The following IGF2R variants were observed in gnomAD, a reference collection of about 807,000 sequenced individuals.
The protein encoded by IGF2R is insulin like growth factor 2 receptor.
In IGF2R, 91 loss-of-function variants were observed where a neutral mutation model predicts 270.6. The observed-to-expected ratio is 0.34, with a 90% CI of 0.28 to 0.40. The LOEUF (loss-of-function observed/expected upper bound fraction) is 0.40. IGF2R is among the 10% of genes least tolerant of loss of function. The pLI is 1.00. For missense variants in IGF2R, 2,805 were observed against 3,188.3 expected, an observed-to-expected ratio of 0.88 and a Z score of 2.90; for synonymous variants, 1,316 against 1,258.9, an observed-to-expected ratio of 1.05 and a Z score of -0.96.
At chr6:160,008,582 C>T (rs773684739) in intron 2 of IGF2R, among the ~76,000 whole-genome samples, 4 of 152,168 alleles carry the variant, frequency 2.6e-5, no homozygotes, top group Non-Finnish European at 5.9e-5. Context: ...TGAAACATTT[C>T]AGTGGCTGAG....
At chr6:160,012,648 C>G (rs190964185) in intron 4 of IGF2R, among the ~76,000 whole-genome samples, 3 of 151,476 alleles carry the variant, frequency 2.0e-5, no homozygotes, top group Non-Finnish European at 4.4e-5. Flanking sequence ...CCCCAGGCCC[C>G]GCCTCCAATG....
chr6:160,017,406 G>A (rs1299685046), intron 4 of IGF2R, among the ~76,000 whole-genome samples: 1 of 152,134 alleles, frequency 6.6e-6, no homozygotes, highest in Non-Finnish European at 1.5e-5. Flanking sequence ...ATATTACTAA[G>A]GGAGAAGAAC....
chr6:159,979,478 T>G (rs904491885), intron 1 of IGF2R, among the ~76,000 whole-genome samples: 4 of 152,208 alleles, frequency 2.6e-5, no homozygotes, highest in Non-Finnish European at 5.9e-5. Flanking sequence ...CTCTTTTGTC[T>G]CTTTTTACAG....
At chr6:160,060,108 A>G (rs1424126327) in intron 22 of IGF2R, among the ~76,000 whole-genome samples, 5 of 152,160 alleles carry the variant, frequency 3.3e-5, no homozygotes, top group African/African-American at 7.2e-5. Flanking sequence ...TAAACCTGTC[A>G]TAACACAGGC....
chr6:160,094,089 T>G, intron 44 of IGF2R: 1 of 498,316 alleles, frequency 2.0e-6, no homozygotes, highest in Non-Finnish European at 3.9e-6. Flanking sequence ...CACCCCATCA[T>G]TCCCCTTCTC....
rs912894050 is a variant in IGF2R at position 160,089,892 on chromosome 6, CTG to C, written c.6468-21_6468-20del. 12 of 1,507,818 alleles carry C rather than the reference CTG, an allele frequency of 8.0e-6. No individual in the cohort carries two copies. In the African/African-American group the frequency reaches 1.3e-4, roughly 16 times the overall value. 93.4% of individuals were successfully genotyped at this position (1,507,818 alleles called of 1,614,324 possible). A position where few individuals can be genotyped will look rare whatever the true frequency, so the allele number is the denominator to read the frequency against. ...GCCTTCTTGAAGGACTTCCATGTCA[CTG>C]TGATCTTTTCTGTCTCTTCAGGCTG... On this transcript the variant is annotated intron_variant, in intron 43 of 47. Coordinates refer to ENST00000356956, the MANE Select transcript of IGF2R (RefSeq NM_000876.4).
intron 22 of IGF2R, among the ~76,000 whole-genome samples, chr6:160,059,639 G>C (rs1303405688): frequency 6.6e-6 from 1 of 152,196 alleles, no homozygotes; most frequent in Non-Finnish European, 1.5e-5. Context: ...AGAGCCCTCG[G>C]AGGCTCTGCA....
In IGF2R at chr6:160,069,990, G is replaced by A. The variant is rs774498478; in HGVS notation, c.4375G>A (p.Asp1459Asn). ...GIIVLKYVDG[D>N]LCPDGIRKKS... ...AATTGTCCTGAAATACGTTGATGGC[G>A]ACTTATGTCCAGATGGGATTCGGAA... Residue 1459 changes from aspartate (D) to asparagine (N), a missense_variant, in exon 31 of 48, where the codon GAC (aspartate) becomes AAC (asparagine). Physicochemically the swap from Asp to Asn is conservative, Grantham distance 23. Coordinates refer to ENST00000356956, the MANE Select transcript of IGF2R (RefSeq NM_000876.4). The A allele has an allele frequency of 1.9e-6, 3 of 1,614,230 alleles. No individual in the cohort carries two copies. The highest frequency in any genetic ancestry group is 1.1e-5 in the South Asian group (1 of 91,086).
At chr6:160,014,010 G>A (rs1777211093) in intron 4 of IGF2R, among the ~76,000 whole-genome samples, 1 of 152,152 alleles carries the variant, frequency 6.6e-6, no homozygotes, top group African/African-American at 2.4e-5. Context: ...TCTTACTAAT[G>A]TCTCATTTAT....
At chr6:160,066,182 T>C (rs1385986042) in intron 29 of IGF2R, among the ~76,000 whole-genome samples, 1 of 151,776 alleles carries the variant, frequency 6.6e-6, no homozygotes, top group African/African-American at 2.4e-5. Flanking sequence ...ACCTGGCGAA[T>C]TTTTTTGTAT....
In IGF2R at chr6:160,084,563, G is replaced by T. The variant is rs567892725; in HGVS notation, c.6068+379G>T. Among the ~76,000 whole-genome samples the T allele has an allele frequency of 3.9e-5, 6 of 152,318 alleles. 1 individual carries two copies. In the South Asian group the frequency reaches 1.2e-3, roughly 32 times the overall value. On this transcript the variant is annotated intron_variant, in intron 40 of 47. Coordinates refer to ENST00000356956, the MANE Select transcript of IGF2R (RefSeq NM_000876.4). The surrounding 1 kb of genome is among the most constrained non-coding windows in gnomAD (Gnocchi z 4.6). ...CTTTGCTGGCTGGGGTCAGCCCATG[G>T]TCCTGACCACTCTGCGTGGGGAGCG...
At chr6:160,080,731 C>G (rs963201634) in intron 39 of IGF2R, among the ~76,000 whole-genome samples, 31 of 151,250 alleles carry the variant, frequency 2.0e-4, no homozygotes, top group African/African-American at 6.6e-4. Context: ...CACTCAGTGC[C>G]TTGCCCCTGC....
chr6:160,046,960 A>C (rs189755273), intron 15 of IGF2R, among the ~76,000 whole-genome samples, 199 bp from the exon 16 acceptor site: 33 of 152,262 alleles, frequency 2.2e-4, no homozygotes, highest in African/African-American at 7.7e-4. Context: ...GAGTTGTCTA[A>C]ACCAGCGGTG....
In IGF2R at chr6:160,006,880, G is replaced by C. The variant is rs531447941; in HGVS notation, c.290-2130G>C. ...TTTACTCTTTCCTCTTTCACTTTTC[G>C]CTAGGAGTAATCATTAGCTCCCATC... On this transcript the variant is annotated intron_variant, in intron 2 of 47. Transcript: ENST00000356956. 8 of 149,138 alleles carry C rather than the reference G, an allele frequency of 5.4e-5. No homozygotes were observed. The South Asian group carries it at 1.5e-3, about 28-fold the overall frequency. 9.2% of individuals were successfully genotyped at this position (149,138 alleles called of 1,614,324 possible). A position where few individuals can be genotyped will look rare whatever the true frequency, so the allele number is the denominator to read the frequency against.
rs1175933044 is a variant in IGF2R, at chr6:160,097,997, AAAATG to A, written c.6842+1376_6842+1380del. On this transcript the variant is annotated intron_variant, in intron 45 of 47. Coordinates refer to ENST00000356956, the MANE Select transcript of IGF2R (RefSeq NM_000876.4). ...TATGGTGTTCCGGTGACGTCATTAC[AAAATG>A]AAAGGATTGAAACTGGAAGTTCTTC... Among the ~76,000 whole-genome samples the A allele has an allele frequency of 9.8e-5, 15 of 152,374 alleles. No individual in the cohort carries two copies. In the South Asian group the frequency reaches 3.1e-3, roughly 32 times the overall value.
At chr6:159,995,868 G>C (rs527602808) in intron 2 of IGF2R, among the ~76,000 whole-genome samples, 2 of 141,356 alleles carry the variant, frequency 1.4e-5, no homozygotes, top group African/African-American at 2.6e-5. Context: ...GAGAGTTAGT[G>C]TGAGTCTTTG....
chr6:160,047,707 T>G, intron 16 of IGF2R, 85 bp from the exon 17 acceptor site: 1 of 859,108 alleles, frequency 1.2e-6, no homozygotes, highest in Non-Finnish European at 2.0e-6. Context: ...ATTGGGAACA[T>G]TGCTCTCGTC....
chr6:159,995,291 T>C (rs1784035627), intron 2 of IGF2R, among the ~76,000 whole-genome samples: 1 of 151,882 alleles, frequency 6.6e-6, no homozygotes, highest in Admixed American at 6.6e-5. Flanking sequence ...TGGAATATCT[T>C]TTCCTACCTA....
intron 44 of IGF2R, among the ~76,000 whole-genome samples, chr6:160,090,695 T>G (rs773587870): frequency 9.2e-5 from 14 of 152,250 alleles, no homozygotes; most frequent in Non-Finnish European, 1.5e-5. Context: ...AATTTGATTT[T>G]TGAACCGTGT....
Sources: allele counts gnomAD v4.1 joint callset (sites outside exome capture counted in the v4.1 genomes callset), GRCh38; gene constraint gnomAD v4.1.1; non-coding constraint Gnocchi (gnomAD v3.1); transcripts MANE v1.5; gene names NCBI Gene and HGNC (gene_info 2026-07-23, HGNC 2026-07-21).